SPICE1: variants seen among roughly 807,000 people sequenced by gnomAD.
SPICE1 encodes the protein spindle and centriole associated protein 1.
Under a neutral mutation model 102.7 loss-of-function variants are expected in SPICE1, and 75 were observed. The ratio of observed to expected loss-of-function variants is 0.73; its 90% confidence interval spans 0.61 to 0.88. The LOEUF (loss-of-function observed/expected upper bound fraction) is 0.88, where lower values mean the gene tolerates loss of function less well. Among genes scored for constraint, SPICE1 ranks in the 40% least tolerant of loss-of-function variants. The probability of loss-of-function intolerance (pLI) is 0.00; values close to 1 mark genes in which losing one functional copy is unlikely to be tolerated. For synonymous variants in SPICE1, 308 were observed against 350.3 expected, an observed-to-expected ratio of 0.88 and a Z score of 1.35; for missense variants, 979 against 1,020.1, an observed-to-expected ratio of 0.96 and a Z score of 0.55.
At position 113,442,997 on chromosome 3, in the gene SPICE1, A is replaced by G. The variant is rs1935422179; in HGVS notation, c.*2310T>C. The G allele has an allele frequency of 6.6e-6, 1 of 152,244 alleles. No homozygotes were observed. Among genetic ancestry groups the G allele is most frequent in the South Asian group, 2.1e-4 (1 of 4,834 alleles). The allele number at this position is 152,244 out of a possible 1,614,324, so 9.4% of individuals were successfully genotyped here. On this transcript the variant is annotated 3_prime_UTR_variant, in exon 18 of 18. Coordinates refer to ENST00000295872, the MANE Select transcript of SPICE1 (RefSeq NM_144718.4). ...ACATCTTTTCAGGTGAAATACCTCT[A>G]AATTTCAAGCACTGTGTGCAATTGT... is the stretch of plus-strand genomic sequence containing the variant.
Position 113,445,241 on chromosome 3 carries a change from A to C in SPICE1, c.*66T>G. On this transcript the variant is annotated 3_prime_UTR_variant, in exon 18 of 18. Transcript: ENST00000295872. ...TCTGAAAGAAGGATATAAAAACTTA[A>C]AAGTCAGAGCAGGGAAAGGGAAGTA... 2 of 1,343,586 alleles carry C rather than the reference A, an allele frequency of 1.5e-6. No individual in the cohort carries two copies. The highest frequency in any genetic ancestry group is 1.5e-5 in the African/African-American group (1 of 68,536). 83.2% of individuals were successfully genotyped at this position (1,343,586 alleles called of 1,614,324 possible). A position where few individuals can be genotyped will look rare whatever the true frequency, so the allele number is the denominator to read the frequency against.
chr3:113,461,055 T>C (rs144639605), intron 11 of SPICE1, among the ~76,000 whole-genome samples: 145 of 152,152 alleles, frequency 9.5e-4, no homozygotes, highest in African/African-American at 3.2e-3. Flanking sequence ...GAATTAACCT[T>C]TCTACAGGGC....
chr3:113,481,406 T>A (rs1246386843), intron 7 of SPICE1, among the ~76,000 whole-genome samples: 1 of 151,376 alleles, frequency 6.6e-6, no homozygotes, highest in Non-Finnish European at 1.5e-5. Flanking sequence ...GTAGACTTTT[T>A]TTTTTCTAGT....
chr3:113,473,076 C>G (rs1261279618), intron 7 of SPICE1, among the ~76,000 whole-genome samples: 1 of 152,082 alleles, frequency 6.6e-6, no homozygotes, highest in Non-Finnish European at 1.5e-5. Flanking sequence ...ATAACCAATA[C>G]AGAGAAGTGC....
intron 1 of SPICE1, among the ~76,000 whole-genome samples, chr3:113,510,183 G>A (rs1937191034): frequency 6.6e-6 from 1 of 152,124 alleles, no homozygotes; most frequent in Non-Finnish European, 1.5e-5. Context: ...AGTGAAAATA[G>A]CCATACTGGC....
At chr3:113,503,155 A>G (rs566960799) in intron 3 of SPICE1, 25 bp downstream of exon 3, 1 of 1,602,844 alleles carries the variant, frequency 6.2e-7, no homozygotes, top group Non-Finnish European at 8.5e-7. Flanking sequence ...TGAATAAATG[A>G]CTTAAGTTTT....
intron 1 of SPICE1, among the ~76,000 whole-genome samples, chr3:113,513,212 G>A (rs1047904093): frequency 6.6e-5 from 10 of 152,040 alleles, no homozygotes; most frequent in Non-Finnish European, 1.5e-4. Flanking sequence ...CTCAAGACCA[G>A]CCTGTGCAAC....
At chr3:113,506,929 T>C (rs937010766) in intron 1 of SPICE1, among the ~76,000 whole-genome samples, 22 of 152,138 alleles carry the variant, frequency 1.4e-4, no homozygotes, top group African/African-American at 4.6e-4. Flanking sequence ...GTTACACAAA[T>C]TTACAATTAG....
chr3:113,448,946 A>C (rs1935579703), intron 15 of SPICE1: 1 of 152,208 alleles, frequency 6.6e-6, no homozygotes, highest in Admixed American at 6.5e-5. Flanking sequence ...AAATCACTGG[A>C]CAGGAAAGAA....
chr3:113,477,578 C>T lies in SPICE1; in HGVS notation c.612-8340G>A, dbSNP rs916273362. 7.0e-4 allele frequency among the ~76,000 whole-genome samples: 106 copies of T among 152,122 alleles called. 1 individual carries two copies. Among genetic ancestry groups the T allele is most frequent in the African/African-American group, 2.5e-3 (104 of 41,468 alleles). ...TAGACTGGATTAAGAAAATGTGGCA[C>T]ATATACACCATGGAATACTATGCAG... On this transcript the variant is annotated intron_variant, in intron 7 of 17. Transcript: ENST00000295872.
intron 7 of SPICE1, 82 bp from the exon 8 acceptor site, chr3:113,469,320 C>T (rs1006622343): frequency 4.5e-6 from 2 of 448,722 alleles, no homozygotes; most frequent in Non-Finnish European, 6.1e-6. Flanking sequence ...TGATAGCAGG[C>T]ATTTAATTTA....
At chr3:113,471,962 G>A (rs1038780131) in intron 7 of SPICE1, among the ~76,000 whole-genome samples, 4 of 152,168 alleles carry the variant, frequency 2.6e-5, no homozygotes, top group African/African-American at 4.8e-5. Context: ...GCAGTGCACC[G>A]TGCGCGAGCC....
chr3:113,447,841 T>G (rs1465057029), intron 16 of SPICE1, among the ~76,000 whole-genome samples, 197 bp downstream of exon 16: 8 of 152,232 alleles, frequency 5.3e-5, no homozygotes, highest in Non-Finnish European at 2.9e-5. Context: ...AGCAAACCCA[T>G]GCCTTTCTAC....
At chr3:113,474,083 T>C (rs547994153) in intron 7 of SPICE1, among the ~76,000 whole-genome samples, 1 of 151,434 alleles carries the variant, frequency 6.6e-6, no homozygotes, top group East Asian at 1.9e-4. Flanking sequence ...AATAAAAGGA[T>C]GGAGGAAGAT....
chr3:113,499,601 T>C lies in SPICE1; in HGVS notation c.148-19A>G. 6.4e-7 allele frequency: 1 copy of C among 1,564,570 alleles called. No homozygotes were observed. The highest frequency in any genetic ancestry group is 8.6e-7 in the Non-Finnish European group (1 of 1,156,414). On this transcript the variant is annotated intron_variant, in intron 3 of 17. Transcript: ENST00000295872. ...GGCGTACCTATACAGAAGAGAAAAG[T>C]ACATAAAGGAATGTTTCAGACACAA...
In SPICE1 at chr3:113,443,270, A is replaced by G. The variant is rs6787026; in HGVS notation, c.*2037T>C. 24,343 of 152,250 alleles carry G rather than the reference A, an allele frequency of 0.16. 1,975 individuals are homozygous for G. The highest frequency in any genetic ancestry group is 0.21 in the Middle Eastern group (61 of 294). 9.4% of individuals were successfully genotyped at this position (152,250 alleles called of 1,614,324 possible). A position where few individuals can be genotyped will look rare whatever the true frequency, so the allele number is the denominator to read the frequency against. ...GATTAGATTAATTTGTCCAAAGTAC[A>G]CAGCTCAAGTGGCAGAAATGGCATT... On this transcript the variant is annotated 3_prime_UTR_variant, in exon 18 of 18. Transcript: ENST00000295872.
At chr3:113,482,309 C>T (rs1413114947) in intron 7 of SPICE1, among the ~76,000 whole-genome samples, 2 of 152,082 alleles carry the variant, frequency 1.3e-5, no homozygotes, top group Non-Finnish European at 2.9e-5. Flanking sequence ...TGGATACTAG[C>T]CCTTTGTCAA....
At chr3:113,466,383 A>G (rs1482764495) in intron 10 of SPICE1, among the ~76,000 whole-genome samples, 1 of 152,104 alleles carries the variant, frequency 6.6e-6, no homozygotes, top group Non-Finnish European at 1.5e-5. Flanking sequence ...CAAGGCAGGC[A>G]GATTACAAGG....
At chr3:113,460,892 T>G in intron 11 of SPICE1, 128 bp from the exon 12 acceptor site, 10 of 657,394 alleles carry the variant, frequency 1.5e-5, no homozygotes, top group Non-Finnish European at 2.1e-5. Flanking sequence ...GATATGTATG[T>G]ATAATATCAT....
Sources: gnomAD v4.1 joint callset for allele counts (sites outside exome capture counted in the v4.1 genomes callset) on GRCh38, gnomAD v4.1.1 for gene constraint, MANE v1.5 for transcripts, NCBI Gene and HGNC (gene_info 2026-07-23, HGNC 2026-07-21) for gene names.